Variants in LIPA observed in about 807,000 individuals in gnomAD.
The protein encoded by LIPA is lysosomal acid lipase/cholesteryl ester hydrolase.
Under a neutral mutation model 40.6 loss-of-function variants are expected in LIPA, and 26 were observed. The ratio of observed to expected loss-of-function variants is 0.64; its 90% CI spans 0.47 to 0.89. The LOEUF (loss-of-function observed/expected upper bound fraction) is 0.89, where lower values mean the gene tolerates loss of function less well. LIPA is among the 40% of genes least tolerant of loss of function. LIPA has a pLI of 0.00. For synonymous variants in LIPA, 188 were observed against 168.4 expected, an observed-to-expected ratio of 1.12 and a Z score of -0.90; for missense variants, 455 against 479.6, an observed-to-expected ratio of 0.95 and a Z score of 0.48.
At chr10:89,247,466 C>T (rs977806676) in intron 2 of LIPA, 72 bp downstream of exon 2, 2 of 782,840 alleles carry the variant, frequency 2.6e-6, no homozygotes, top group Non-Finnish European at 4.4e-6. Context: ...ATGGGTATGG[C>T]TTCATGTAGC....
At position 89,392,082 on chromosome 10, in the gene LIPA, A is replaced by G. The variant is rs1844259759; in HGVS notation, c.61+20709T>C. On this transcript the variant is annotated intron_variant, in intron 2 of 8. Coordinates refer to the LIPA transcript ENST00000371837. ...TCAGGGGTTAGAAGGCTTTCTAGGT[A>G]TTGGTCTCTTTCCTTCATTCCTAAA... Among the ~76,000 whole-genome samples, 3 of 152,182 alleles carry G rather than the reference A, an allele frequency of 2.0e-5. No homozygotes were observed. The South Asian group carries it at 6.2e-4, about 31-fold the overall frequency.
upstream of LIPA, among the ~76,000 whole-genome samples, chr10:89,255,438 G>T (rs931736985): frequency 6.6e-6 from 1 of 152,056 alleles, no homozygotes; most frequent in South Asian, 2.1e-4. Flanking sequence ...TCTCCCACTG[G>T]GTCCCTCCCA....
chr10:89,380,815 G>T (rs11203102), intron 2 of LIPA, among the ~76,000 whole-genome samples: 1 of 152,164 alleles, frequency 6.6e-6, no homozygotes, highest in Admixed American at 6.5e-5. Flanking sequence ...TAGGCTCTCA[G>T]CATTTCCATT....
intron 2 of LIPA, among the ~76,000 whole-genome samples, chr10:89,348,437 C>T (rs1843937957): frequency 6.6e-6 from 1 of 151,990 alleles, no homozygotes; most frequent in Admixed American, 6.6e-5. Context: ...GGACTTTCAC[C>T]AAAAAAACAT....
chr10:89,304,830 C>A (rs981432537), intron 1 of LIPA, among the ~76,000 whole-genome samples: 2 of 151,526 alleles, frequency 1.3e-5, no homozygotes, highest in Non-Finnish European at 2.9e-5. Context: ...AGGACCAACA[C>A]TAAAGGGAAT....
intron 1 of LIPA, among the ~76,000 whole-genome samples, chr10:89,275,961 G>C (rs1537291): frequency 0.75 from 114,179 of 152,058 alleles, 44,303 homozygotes; most frequent in East Asian, 0.97. Context: ...CTTTGATGCT[G>C]AAGTACATAG....
intron 2 of LIPA, among the ~76,000 whole-genome samples, chr10:89,356,933 G>A (rs1440478670): frequency 6.6e-6 from 1 of 152,130 alleles, no homozygotes; most frequent in African/African-American, 2.4e-5. Flanking sequence ...ACTGGTGACT[G>A]AACTCACTTT....
chr10:89,383,663 A>G (rs1294034647), intron 2 of LIPA: 1 of 1,614,266 alleles, frequency 6.2e-7, no homozygotes, highest in Admixed American at 1.7e-5. Flanking sequence ...GCCCAGACTT[A>G]CCTGGACAAG....
chr10:89,383,645 T>A, intron 2 of LIPA: 2 of 1,614,256 alleles, frequency 1.2e-6, no homozygotes, highest in Non-Finnish European at 1.7e-6. Flanking sequence ...ATGGGCAGAT[T>A]GGCAGAAGCC....
chr10:89,319,250 C>CA (rs1182688745), intron 1 of LIPA, among the ~76,000 whole-genome samples: 1 of 151,968 alleles, frequency 6.6e-6, no homozygotes, highest in Non-Finnish European at 1.5e-5. Context: ...AAAAACCCTT[C>CA]AAAAAAATCA....
chr10:89,382,023 G>A (rs1844167146), intron 2 of LIPA, among the ~76,000 whole-genome samples: 2 of 152,008 alleles, frequency 1.3e-5, no homozygotes, highest in African/African-American at 4.8e-5. Flanking sequence ...GCCTACCTCG[G>A]CCTCCCAAAA....
intron 3 of LIPA, among the ~76,000 whole-genome samples, chr10:89,234,155 C>T (rs1195443424): frequency 6.6e-6 from 1 of 152,230 alleles, no homozygotes; most frequent in Non-Finnish European, 1.5e-5. Context: ...CTGGAGAAAA[C>T]ATAGGAGCCA....
intron 2 of LIPA, among the ~76,000 whole-genome samples, chr10:89,400,181 G>T (rs981964177): frequency 1.3e-5 from 2 of 152,074 alleles, no homozygotes; most frequent in African/African-American, 4.8e-5. Context: ...TACTGTAGCT[G>T]TGTAGTAAGT....
intron 4 of LIPA, among the ~76,000 whole-genome samples, chr10:89,227,717 C>T (rs1378721229): frequency 6.6e-6 from 1 of 152,104 alleles, no homozygotes; most frequent in South Asian, 2.1e-4. Context: ...CCTTTAAGCC[C>T]CCAGTGACCT....
intron 8 of LIPA, among the ~76,000 whole-genome samples, chr10:89,218,704 C>T (rs1036470304): frequency 1.3e-5 from 2 of 152,146 alleles, no homozygotes; most frequent in African/African-American, 2.4e-5. Context: ...AGGACAACAC[C>T]CCGAGGATGG....
At chr10:89,326,585 T>A (rs570673753) in intron 1 of LIPA, among the ~76,000 whole-genome samples, 1 of 152,048 alleles carries the variant, frequency 6.6e-6, no homozygotes, top group African/African-American at 2.4e-5. Context: ...ACTAAAAGAG[T>A]ATAATTGGAT....
At chr10:89,397,331 T>TAATTTTAATTTTGATTTTAAAATTAA (rs576473885) in intron 2 of LIPA, among the ~76,000 whole-genome samples, 3,625 of 151,834 alleles carry the variant, frequency 0.024, 94 homozygotes, top group African/African-American at 0.067. Context: ...TGACCACCAT[T>TAATTTTAATTTTGATTTTAAAATTAA]AATTTTAATT....
intron 1 of LIPA, among the ~76,000 whole-genome samples, chr10:89,266,021 C>T (rs1254685561): frequency 1.3e-5 from 2 of 152,326 alleles, no homozygotes; most frequent in Non-Finnish European, 2.9e-5. Context: ...AAGAAAGAAC[C>T]TCCCAGCCCC....
chr10:89,248,772 G>A (rs1330327371), intron 1 of LIPA, among the ~76,000 whole-genome samples: 1 of 151,800 alleles, frequency 6.6e-6, no homozygotes, highest in Admixed American at 6.6e-5. Flanking sequence ...GAGCCACCGC[G>A]CCCGGCCCAA....
Sources: gnomAD v4.1 joint callset for allele counts (sites outside exome capture counted in the v4.1 genomes callset) on GRCh38, gnomAD v4.1.1 for gene constraint, MANE v1.5 for transcripts, NCBI Gene and HGNC (gene_info 2026-07-23, HGNC 2026-07-21) for gene names.